Variants in DUSP16 observed in about 807,000 individuals in gnomAD.
The protein encoded by DUSP16 is dual specificity phosphatase 16, also known as dual specificity protein phosphatase 16.
DUSP16 carries 21 observed loss-of-function variants against 58.3 expected under a neutral mutation model. The observed-to-expected ratio is 0.36, with a 90% CI of 0.26 to 0.52. The LOEUF is 0.52. DUSP16 is among the 20% of genes least tolerant of loss of function. The probability of loss-of-function intolerance (pLI) is 0.94; values close to 1 mark genes in which losing one functional copy is unlikely to be tolerated. For missense variants in DUSP16, 726 were observed against 819.0 expected, an observed-to-expected ratio of 0.89 and a Z score of 1.39; for synonymous variants, 320 against 323.8, an observed-to-expected ratio of 0.99 and a Z score of 0.12.
At chr12:12,528,933 A>G (rs1944344478) in intron 1 of DUSP16, among the ~76,000 whole-genome samples, 2 of 152,150 alleles carry the variant, frequency 1.3e-5, no homozygotes, top group African/African-American at 4.8e-5. Flanking sequence ...GGAGAGTGGT[A>G]AGAGACTGAG....
chr12:12,497,398 G>C (rs1943844649), intron 4 of DUSP16, among the ~76,000 whole-genome samples: 1 of 152,104 alleles, frequency 6.6e-6, no homozygotes, highest in African/African-American at 2.4e-5. Flanking sequence ...CCTTTTTCCA[G>C]AAGATGGGCA....
chr12:12,510,446 C>A (rs1211567260), intron 3 of DUSP16, among the ~76,000 whole-genome samples: 1 of 152,230 alleles, frequency 6.6e-6, no homozygotes. Context: ...CATCTAGCCA[C>A]AGGCTCTCCC....
At chr12:12,508,673 A>G (rs190989555) in intron 3 of DUSP16, among the ~76,000 whole-genome samples, 1 of 152,342 alleles carries the variant, frequency 6.6e-6, no homozygotes, top group East Asian at 1.9e-4. Context: ...GCTGACAAGT[A>G]GCCTACATCT....
intron 3 of DUSP16, among the ~76,000 whole-genome samples, chr12:12,515,967 G>A (rs1239178105): frequency 6.6e-6 from 1 of 151,246 alleles, no homozygotes; most frequent in East Asian, 1.9e-4. Flanking sequence ...GTAGAGATGG[G>A]GTTTTGCCAT....
chr12:12,497,681 A>C (rs1943848212), intron 4 of DUSP16, among the ~76,000 whole-genome samples: 1 of 151,474 alleles, frequency 6.6e-6, no homozygotes, highest in Non-Finnish European at 1.5e-5. Flanking sequence ...AAAAAAAAAA[A>C]GACTAATAGG....
At chr12:12,492,640 C>T (rs1282146470) in intron 4 of DUSP16, among the ~76,000 whole-genome samples, 1 of 152,048 alleles carries the variant, frequency 6.6e-6, no homozygotes, top group Non-Finnish European at 1.5e-5. Flanking sequence ...GCCATTACCC[C>T]ATATCTTTGA....
At chr12:12,516,253 C>G (rs886183544) in intron 3 of DUSP16, among the ~76,000 whole-genome samples, 4 of 152,114 alleles carry the variant, frequency 2.6e-5, no homozygotes, top group African/African-American at 9.7e-5. Context: ...AATCCTCCCC[C>G]ATCAGCTTCC....
Position 12,477,817 on chromosome 12 carries a change from A to G in DUSP16, c.1014T>C (p.Ser338=). ...AGGTAGCAGAGTCGGCACAGGGTGG[A>G]CTGAGGGGCGTCTCGCTTTTCTGTC... ...EGGQKSETPL[S]PPCADSATSE... is the part of the protein sequence containing the mutation. The change falls in exon 7 of 7, where the codon AGT becomes AGC. Residue 338 remains serine (S), a synonymous_variant. Transcript: ENST00000298573. This position sits in a 1 kb window ranked among gnomAD's most constrained non-coding sequence, Gnocchi z 4.1. The G allele has an allele frequency of 3.1e-6, 5 of 1,613,970 alleles. No individual in the cohort carries two copies. The highest frequency in any genetic ancestry group is 4.2e-6 in the Non-Finnish European group (5 of 1,180,012).
At chr12:12,505,068 T>C (rs202238337) in intron 3 of DUSP16, among the ~76,000 whole-genome samples, 3 of 152,346 alleles carry the variant, frequency 2.0e-5, no homozygotes, top group East Asian at 1.9e-4. Context: ...AAGCACTCTA[T>C]AGGTATTTAC....
chr12:12,558,549 T>C (rs1944845674), intron 1 of DUSP16, among the ~76,000 whole-genome samples: 1 of 152,142 alleles, frequency 6.6e-6, no homozygotes, highest in South Asian at 2.1e-4. Context: ...CATACCTAGC[T>C]AATTTTTTGA....
intron 1 of DUSP16, among the ~76,000 whole-genome samples, chr12:12,525,079 AAT>A (rs1944285042): frequency 6.6e-6 from 1 of 152,178 alleles, no homozygotes; most frequent in African/African-American, 2.4e-5. Context: ...ATGAAGCACA[AAT>A]ATACACACTT....
intron 3 of DUSP16, among the ~76,000 whole-genome samples, chr12:12,513,000 T>G (rs1307386521): frequency 6.6e-6 from 1 of 152,180 alleles, no homozygotes; most frequent in Non-Finnish European, 1.5e-5. Flanking sequence ...TCAATTCTAT[T>G]AAACCAAAAG....
intron 3 of DUSP16, among the ~76,000 whole-genome samples, chr12:12,501,178 G>A (rs1943904405): frequency 6.6e-6 from 1 of 152,270 alleles, no homozygotes; most frequent in African/African-American, 2.4e-5. Context: ...ATTTTTTACT[G>A]CAAAGGTATC....
chr12:12,559,626 ATTATAT>A (rs953163088), intron 1 of DUSP16, among the ~76,000 whole-genome samples: 15 of 152,338 alleles, frequency 9.8e-5, no homozygotes, highest in Middle Eastern at 3.4e-3. Context: ...ATTCTAGCAA[ATTATAT>A]TTAGTAGGAT....
At chr12:12,525,494 C>A (rs540016635) in intron 1 of DUSP16, among the ~76,000 whole-genome samples, 3 of 152,088 alleles carry the variant, frequency 2.0e-5, no homozygotes, top group African/African-American at 7.2e-5. Context: ...GAACTCCCGA[C>A]CTCAGGTAAT....
intron 1 of DUSP16, among the ~76,000 whole-genome samples, chr12:12,561,480 C>CT (rs1301027334): frequency 6.6e-6 from 1 of 152,206 alleles, no homozygotes; most frequent in African/African-American, 2.4e-5. Context: ...AGACCCTGGG[C>CT]TTTTTTATTT....
Position 12,521,290 on chromosome 12 carries a change from G to A in DUSP16, c.-192C>T, listed in dbSNP as rs1247904875. Reference sequence around the variant, plus strand: ...AAGTGAATGTCTCTTTCTCTTTCCCGTTGATGTGCTCTTGCAAAGGACTCC... The same window carrying A: ...AAGTGAATGTCTCTTTCTCTTTCCCATTGATGTGCTCTTGCAAAGGACTCC... On this transcript the variant is annotated 5_prime_UTR_variant, in exon 2 of 7. In the 5' UTR this introduces an upstream ATG that the reference lacks. Transcript: ENST00000298573. 71 of 1,430,642 alleles carry A rather than the reference G, an allele frequency of 5.0e-5. No individual in the cohort carries two copies. In the South Asian group the frequency reaches 8.7e-4, roughly 18 times the overall value. The allele number at this position is 1,430,642 out of a possible 1,614,324, so 88.6% of individuals were successfully genotyped here.
At position 12,550,866 on chromosome 12, in the gene DUSP16, T is replaced by C. The variant is rs181131148; in HGVS notation, c.-366+11251A>G. On this transcript the variant is annotated intron_variant, in intron 1 of 6. Transcript: ENST00000298573. ...GTAACAAACCTGCACGTGCTGCACA[T>C]GTACCCCAAAACTTAAAGTATAATT... Among the ~76,000 whole-genome samples the C allele has an allele frequency of 1.4e-4, 21 of 152,076 alleles. No homozygotes were observed. The East Asian group carries it at 3.7e-3, about 27-fold the overall frequency.
intron 1 of DUSP16, among the ~76,000 whole-genome samples, chr12:12,525,986 T>C (rs1210723335): frequency 2.0e-5 from 3 of 152,202 alleles, no homozygotes; most frequent in Non-Finnish European, 4.4e-5. Flanking sequence ...TTTTAAAGGA[T>C]AACCTAAAGT....
Sources: allele counts gnomAD v4.1 joint callset (sites outside exome capture counted in the v4.1 genomes callset), GRCh38; gene constraint gnomAD v4.1.1; non-coding constraint Gnocchi (gnomAD v3.1); transcripts MANE v1.5; gene names NCBI Gene and HGNC (gene_info 2026-07-23, HGNC 2026-07-21).